The following GALNT7 variants were observed in gnomAD, a reference collection of about 807,000 sequenced individuals.
GALNT7 encodes N-acetylgalactosaminyltransferase 7.
GALNT7 carries 60 observed loss-of-function variants against 82.1 expected under a neutral mutation model. The ratio of observed to expected loss-of-function variants is 0.73; its 90% CI spans 0.59 to 0.91. GALNT7 has a LOEUF of 0.91. Ranked by LOEUF, GALNT7 falls within the 40% of genes least tolerant of loss-of-function variation. GALNT7 has a pLI of 0.00. For synonymous variants in GALNT7, 243 were observed against 275.1 expected, an observed-to-expected ratio of 0.88 and a Z score of 1.15; for missense variants, 660 against 804.2, an observed-to-expected ratio of 0.82 and a Z score of 2.17.
intron 2 of GALNT7, among the ~76,000 whole-genome samples, chr4:173,254,518 A>T (rs577726742): frequency 6.6e-6 from 1 of 152,328 alleles, no homozygotes; most frequent in East Asian, 1.9e-4. Context: ...GATTTCAGCT[A>T]GAGCTAAAAC....
At chr4:173,261,356 A>G (rs759680371) in intron 2 of GALNT7, among the ~76,000 whole-genome samples, 1 of 151,990 alleles carries the variant, frequency 6.6e-6, no homozygotes, top group Non-Finnish European at 1.5e-5. Context: ...AGGGTGTGCA[A>G]ACTCTACCCA....
intron 2 of GALNT7, among the ~76,000 whole-genome samples, chr4:173,288,633 T>C (rs2126823022): frequency 6.6e-6 from 1 of 152,202 alleles, no homozygotes; most frequent in African/African-American, 2.4e-5. Context: ...TTTAAATTCA[T>C]TGGGCAGTGC....
intron 2 of GALNT7, among the ~76,000 whole-genome samples, chr4:173,288,282 CAAAAAAAAAAAA>C (rs70944442): frequency 1.6e-5 from 1 of 63,000 alleles, no homozygotes; most frequent in African/African-American, 8.7e-5. Context: ...GACTCCATCT[CAAAAAAAAAAAA>C]AAAAAAAAAA....
chr4:173,312,930 G>T (rs1249029552), intron 8 of GALNT7, among the ~76,000 whole-genome samples: 2 of 152,060 alleles, frequency 1.3e-5, no homozygotes, highest in African/African-American at 4.8e-5. Context: ...GTGGTGGCGG[G>T]CACCTGTAAT....
At chr4:173,229,089 T>C (rs1015666008) in intron 1 of GALNT7, among the ~76,000 whole-genome samples, 3 of 152,214 alleles carry the variant, frequency 2.0e-5, no homozygotes, top group Non-Finnish European at 4.4e-5. Flanking sequence ...AAAATCACAA[T>C]AGCAAGCACG....
intron 1 of GALNT7, among the ~76,000 whole-genome samples, chr4:173,231,698 C>T (rs1446363079): frequency 6.6e-6 from 1 of 151,996 alleles, no homozygotes. Flanking sequence ...CCCAAAAATC[C>T]ATCTAAAAAA....
At chr4:173,266,690 A>G (rs1044958323) in intron 2 of GALNT7, among the ~76,000 whole-genome samples, 4 of 152,228 alleles carry the variant, frequency 2.6e-5, no homozygotes, top group African/African-American at 7.2e-5. Flanking sequence ...AAGAGAACAG[A>G]TATAAAAATA....
In GALNT7 at chr4:173,301,939, G is replaced by T. The variant is rs1736956363; in HGVS notation, c.1149-108G>T. The T allele has an allele frequency of 4.8e-6, 3 of 623,810 alleles. No individual in the cohort carries two copies. The Admixed American group carries it at 8.2e-5, about 17-fold the overall frequency. The allele number at this position is 623,810 out of a possible 1,614,324, so 38.6% of individuals were successfully genotyped here. On this transcript the variant is annotated intron_variant, in intron 6 of 11. Transcript: ENST00000265000. ...TTCTTAATGTTTGGCCATCAGTTTT[G>T]TCTCTTCTATGCATTTTCAGGCTGT...
At chr4:173,173,735 C>T (rs1281070148) in intron 1 of GALNT7, among the ~76,000 whole-genome samples, 1 of 152,142 alleles carries the variant, frequency 6.6e-6, no homozygotes, top group Non-Finnish European at 1.5e-5. Context: ...ACTAATGACT[C>T]TCTGGATATG....
chr4:173,173,762 C>G (rs1000366664), intron 1 of GALNT7, among the ~76,000 whole-genome samples: 3 of 152,140 alleles, frequency 2.0e-5, no homozygotes. Flanking sequence ...CAACTTTAGT[C>G]AAGTCATTAA....
At chr4:173,319,874 T>G (rs1737740248) in intron 11 of GALNT7, among the ~76,000 whole-genome samples, 1 of 152,134 alleles carries the variant, frequency 6.6e-6, no homozygotes, top group South Asian at 2.1e-4. Context: ...GAGGAATTAC[T>G]GCTGAGGAGT....
At chr4:173,208,063 T>G (rs1022949761) in intron 1 of GALNT7, among the ~76,000 whole-genome samples, 1 of 152,178 alleles carries the variant, frequency 6.6e-6, no homozygotes, top group East Asian at 1.9e-4. Flanking sequence ...TCCTATTGAT[T>G]TGTAAGAGTT....
At chr4:173,262,841 C>T (rs1735330759) in intron 2 of GALNT7, among the ~76,000 whole-genome samples, 1 of 152,146 alleles carries the variant, frequency 6.6e-6, no homozygotes, top group South Asian at 2.1e-4. Context: ...AAGGCATACA[C>T]TCAAGGGATT....
intron 2 of GALNT7, among the ~76,000 whole-genome samples, chr4:173,254,880 G>A (rs1422134028): frequency 6.6e-6 from 1 of 152,194 alleles, no homozygotes; most frequent in African/African-American, 2.4e-5. Context: ...AGACTACTTT[G>A]TGAATTCAGG....
intron 1 of GALNT7, among the ~76,000 whole-genome samples, chr4:173,201,556 T>C (rs1732945515): frequency 6.6e-6 from 1 of 152,250 alleles, no homozygotes; most frequent in African/African-American, 2.4e-5. Context: ...ATATATCTTA[T>C]TTCTAGATTG....
At chr4:173,244,336 A>C (rs1734539623) in intron 1 of GALNT7, among the ~76,000 whole-genome samples, 1 of 152,172 alleles carries the variant, frequency 6.6e-6, no homozygotes, top group South Asian at 2.1e-4. Context: ...CCCCTTGAGG[A>C]GTGTGTATTC....
intron 1 of GALNT7, among the ~76,000 whole-genome samples, chr4:173,245,961 CT>C (rs1734615126): frequency 1.3e-5 from 2 of 152,190 alleles, no homozygotes. Flanking sequence ...GATCTAGAGG[CT>C]TTCTCAACCC....
chr4:173,230,427 A>G (rs780204312), intron 1 of GALNT7, among the ~76,000 whole-genome samples: 11 of 152,204 alleles, frequency 7.2e-5, no homozygotes, highest in Non-Finnish European at 1.6e-4. Flanking sequence ...GAACATGGTT[A>G]TGGTAAAATT....
At chr4:173,264,724 T>C (rs1735416187) in intron 2 of GALNT7, among the ~76,000 whole-genome samples, 1 of 152,234 alleles carries the variant, frequency 6.6e-6, no homozygotes, top group South Asian at 2.1e-4. Context: ...TCTGTGTTTC[T>C]ACATTCTCCC....
Sources: allele counts gnomAD v4.1 joint callset (sites outside exome capture counted in the v4.1 genomes callset), GRCh38; gene constraint gnomAD v4.1.1; transcripts MANE v1.5; gene names NCBI Gene and HGNC (gene_info 2026-07-23, HGNC 2026-07-21).